PTBP2: variants seen among roughly 807,000 people sequenced by gnomAD.
PTBP2 encodes the protein polypyrimidine tract-binding protein 2.
PTBP2 carries 13 observed loss-of-function variants against 61.4 expected under a neutral mutation model. That is an observed-to-expected ratio of 0.21 (90% confidence interval 0.14 to 0.34). The LOEUF is 0.34. Among genes scored for constraint, PTBP2 ranks in the 10% least tolerant of loss-of-function variants. The pLI is 1.00. For missense variants in PTBP2, 405 were observed against 642.6 expected, an observed-to-expected ratio of 0.63 and a Z score of 4.00; for synonymous variants, 215 against 218.5, an observed-to-expected ratio of 0.98 and a Z score of 0.14.
intron 3 of PTBP2, 36 bp downstream of exon 3, chr1:96,751,536 A>G: frequency 6.7e-7 from 1 of 1,488,414 alleles, no homozygotes; most frequent in Non-Finnish European, 9.3e-7. Flanking sequence ...GTCATTTGCC[A>G]TTTTAGGGGG....
intron 4 of PTBP2, among the ~76,000 whole-genome samples, chr1:96,770,167 T>C (rs1423974771): frequency 6.6e-6 from 1 of 152,020 alleles, no homozygotes. Context: ...CTCTGTTCTT[T>C]GGTATCAGAA....
chr1:96,722,212 T>C (rs1439262681), intron 1 of PTBP2, among the ~76,000 whole-genome samples: 1 of 152,014 alleles, frequency 6.6e-6, no homozygotes, highest in Non-Finnish European at 1.5e-5. Flanking sequence ...AGGAGCCATT[T>C]CGATCCGTAC....
At chr1:96,808,078 T>C (rs916989511) in intron 11 of PTBP2, among the ~76,000 whole-genome samples, 44 of 152,280 alleles carry the variant, frequency 2.9e-4, no homozygotes, top group Admixed American at 1.2e-3. Flanking sequence ...TGGGTGGCAT[T>C]GTGTCATTTA....
intron 2 of PTBP2, among the ~76,000 whole-genome samples, chr1:96,734,332 ACT>A (rs1651852736): frequency 6.6e-6 from 1 of 152,020 alleles, no homozygotes; most frequent in Non-Finnish European, 1.5e-5. Flanking sequence ...AAGAATAGGG[ACT>A]CTCCTCTCCT....
intron 3 of PTBP2, among the ~76,000 whole-genome samples, chr1:96,757,442 A>G (rs1318519443): frequency 1.3e-5 from 2 of 152,220 alleles, no homozygotes; most frequent in Non-Finnish European, 2.9e-5. Flanking sequence ...ATCAAAGTAT[A>G]TTAAGAAAAA....
At chr1:96,772,762 A>G (rs1657526670) in intron 5 of PTBP2, among the ~76,000 whole-genome samples, 1 of 152,152 alleles carries the variant, frequency 6.6e-6, no homozygotes, top group South Asian at 2.1e-4. Context: ...GTTATTATTT[A>G]AGTAATTTGC....
At chr1:96,762,435 G>A (rs1218044039) in intron 3 of PTBP2, among the ~76,000 whole-genome samples, 4 of 145,894 alleles carry the variant, frequency 2.7e-5, no homozygotes, top group Admixed American at 6.7e-5. Flanking sequence ...GCAGCTGGCC[G>A]GGCGGGGGGC....
chr1:96,769,432 ATGT>A (rs1219106336), intron 3 of PTBP2, among the ~76,000 whole-genome samples: 17 of 151,968 alleles, frequency 1.1e-4, no homozygotes, highest in African/African-American at 4.1e-4. Flanking sequence ...TTACATTTTA[ATGT>A]TGTTGCTTAT....
intron 8 of PTBP2, among the ~76,000 whole-genome samples, chr1:96,799,518 G>C (rs191954189): frequency 6.6e-6 from 1 of 151,774 alleles, no homozygotes; most frequent in South Asian, 2.1e-4. Flanking sequence ...GGATGGTCTC[G>C]ATCTCCTGAC....
At chr1:96,746,099 G>T (rs1381962385) in intron 2 of PTBP2, among the ~76,000 whole-genome samples, 2 of 151,522 alleles carry the variant, frequency 1.3e-5, no homozygotes, top group East Asian at 3.9e-4. Flanking sequence ...AACAAAAAAA[G>T]ATTTTGACTT....
intron 2 of PTBP2, among the ~76,000 whole-genome samples, chr1:96,743,981 C>A (rs778056958): frequency 2.6e-5 from 4 of 151,988 alleles, no homozygotes; most frequent in Non-Finnish European, 5.9e-5. Context: ...AGCTTGAGAC[C>A]AGCCTGGCTC....
intron 2 of PTBP2, among the ~76,000 whole-genome samples, chr1:96,751,099 C>T (rs1005108176): frequency 6.6e-6 from 1 of 152,054 alleles, no homozygotes; most frequent in Non-Finnish European, 1.5e-5. Context: ...TAGAACGTTT[C>T]TGAGAAAGTC....
At chr1:96,748,271 C>CGCAG (rs1425359821) in intron 2 of PTBP2, among the ~76,000 whole-genome samples, 2 of 152,122 alleles carry the variant, frequency 1.3e-5, no homozygotes, top group Non-Finnish European at 2.9e-5. Flanking sequence ...TTGCCTTCTT[C>CGCAG]GCAGACCTGG....
intron 8 of PTBP2, among the ~76,000 whole-genome samples, chr1:96,804,073 GAAC>G (rs956736245): frequency 6.6e-6 from 1 of 152,118 alleles, no homozygotes; most frequent in African/African-American, 2.4e-5. Flanking sequence ...CTGGAAATTA[GAAC>G]AATAAAATAA....
In PTBP2 at chr1:96,814,099, G is replaced by C. The variant is rs1662326950; in HGVS notation, c.*694G>C. ...AACAAAGTGATTTCTGTAAGTTTGA[G>C]CCCTATGTGGAAAGCATTGTGGAAT... On this transcript the variant is annotated 3_prime_UTR_variant, in exon 14 of 14. Coordinates refer to ENST00000674951, the MANE Select transcript of PTBP2 (RefSeq NM_021190.4). The C allele has an allele frequency of 2.6e-5, 4 of 152,468 alleles. No homozygotes were observed. The highest frequency in any genetic ancestry group is 9.7e-5 in the African/African-American group (4 of 41,406). 9.4% of individuals were successfully genotyped at this position (152,468 alleles called of 1,614,324 possible).
At chr1:96,797,909 ATACTT>A (rs1365544890) in intron 8 of PTBP2, among the ~76,000 whole-genome samples, 1 of 152,008 alleles carries the variant, frequency 6.6e-6, no homozygotes, top group Non-Finnish European at 1.5e-5. Context: ...AGGGCTGACT[ATACTT>A]TAAGAATTAG....
At chr1:96,754,455 C>G (rs1167304698) in intron 3 of PTBP2, among the ~76,000 whole-genome samples, 1 of 151,978 alleles carries the variant, frequency 6.6e-6, no homozygotes, top group Non-Finnish European at 1.5e-5. Flanking sequence ...TATATTTTAC[C>G]TGAAGTGATA....
intron 11 of PTBP2, among the ~76,000 whole-genome samples, chr1:96,808,358 T>A (rs969831667): frequency 1.3e-5 from 2 of 152,004 alleles, no homozygotes; most frequent in African/African-American, 4.8e-5. Context: ...TCTGGTGAGG[T>A]CTCTCTTGGC....
rs142433685 is a variant in PTBP2 at position 96,765,708 on chromosome 1, T to TAGATAGA, written c.116-3995_116-3994insAGATAGA. Among the ~76,000 whole-genome samples, 78 of 147,392 alleles carry TAGATAGA rather than the reference T, an allele frequency of 5.3e-4. 1 individual carries two copies. Among genetic ancestry groups the TAGATAGA allele is most frequent in the Admixed American group, 4.1e-3 (60 of 14,666 alleles). ...CCTGGCAATACAGCAAGACTCTGTC[T>TAGATAGA]TAGATAGATAGATAGATAGATAGAT... On this transcript the variant is annotated intron_variant, in intron 3 of 13. Coordinates refer to ENST00000674951, the MANE Select transcript of PTBP2 (RefSeq NM_021190.4).
Sources: gnomAD v4.1 joint callset for allele counts (sites outside exome capture counted in the v4.1 genomes callset) on GRCh38, gnomAD v4.1.1 for gene constraint, MANE v1.5 for transcripts, NCBI Gene and HGNC (gene_info 2026-07-23, HGNC 2026-07-21) for gene names.